The following ATP13A5 variants were observed in gnomAD, a reference collection of about 807,000 sequenced individuals.
The protein encoded by ATP13A5 is ATPase 13A5.
In ATP13A5, 149 loss-of-function variants were observed where a neutral mutation model predicts 150.2. That is an observed-to-expected ratio of 0.99 (90% confidence interval 0.87 to 1.14). The LOEUF (loss-of-function observed/expected upper bound fraction) is 1.14. ATP13A5 is among the 50% of genes most tolerant of loss of function. ATP13A5 has a pLI of 0.00. For synonymous variants in ATP13A5, 497 were observed against 522.2 expected (o/e 0.95, Z 0.66); for missense variants, 1,383 against 1,449.3 (o/e 0.95, Z 0.74).
At position 193,362,645 on chromosome 3, in the gene ATP13A5, T is replaced by C; in HGVS notation, c.385-8A>G. Reference sequence around the variant, plus strand: ...CACTTCCATGCACCGCAGCTACGATTGCAAATGTGATAGAGCAGGTGTCAT... The same window carrying C: ...CACTTCCATGCACCGCAGCTACGATCGCAAATGTGATAGAGCAGGTGTCAT... On this transcript the variant is annotated splice_polypyrimidine_tract_variant and splice_region_variant and intron_variant, in intron 3 of 29. Coordinates refer to ENST00000342358, the MANE Select transcript of ATP13A5 (RefSeq NM_198505.4). 6.2e-7 allele frequency: 1 copy of C among 1,613,954 alleles called. No individual in the cohort carries two copies. Among genetic ancestry groups the C allele is most frequent in the Non-Finnish European group, 8.5e-7 (1 of 1,179,818 alleles).
At chr3:193,317,620 G>A (rs1719099159) in intron 17 of ATP13A5, among the ~76,000 whole-genome samples, 1 of 152,000 alleles carries the variant, frequency 6.6e-6, no homozygotes, top group Non-Finnish European at 1.5e-5. Context: ...AATTTTTCTA[G>A]TTGGAAAACT....
intron 19 of ATP13A5, chr3:193,312,598 G>A (rs1406288852): frequency 6.6e-6 from 1 of 152,178 alleles, no homozygotes; most frequent in Non-Finnish European, 1.5e-5. Context: ...GAAAGCATCT[G>A]ATGAATGCCT....
intron 16 of ATP13A5, among the ~76,000 whole-genome samples, chr3:193,319,720 T>G (rs1302548735): frequency 6.6e-6 from 1 of 152,162 alleles, no homozygotes; most frequent in Admixed American, 6.5e-5. Flanking sequence ...ACCTCAGGAC[T>G]GGGGTACTTG....
At chr3:193,347,554 TA>T (rs1712395697) in intron 7 of ATP13A5, among the ~76,000 whole-genome samples, 1 of 150,330 alleles carries the variant, frequency 6.7e-6, no homozygotes, top group Admixed American at 6.6e-5. Context: ...CTCGTTTAGA[TA>T]ATGCCAAATT....
intron 18 of ATP13A5, 74 bp downstream of exon 18, chr3:193,314,898 C>G (rs769934450): frequency 6.4e-7 from 1 of 1,553,666 alleles, no homozygotes; most frequent in Non-Finnish European, 8.8e-7. Flanking sequence ...TACATGAACT[C>G]ACTCAGCTCA....
chr3:193,372,205 GA>G (rs1210736503), intron 1 of ATP13A5: 3 of 158,708 alleles, frequency 1.9e-5, no homozygotes, highest in Non-Finnish European at 3.9e-5. Flanking sequence ...ACTGAGGCAG[GA>G]AAATCGCTTG....
intron 5 of ATP13A5, 75 bp downstream of exon 5, chr3:193,362,306 G>T: frequency 7.9e-7 from 1 of 1,259,126 alleles, no homozygotes; most frequent in Non-Finnish European, 1.2e-6. Context: ...TGCCAACAAT[G>T]CACTGATGAT....
chr3:193,310,698 A>C lies in ATP13A5; in HGVS notation c.2465T>G (p.Val822Gly). The part of the protein sequence containing the change: ...LLPKILVNGT[V>G]FARMSPGQKS... ...CTGCCCAGGAGACATTCTTGCAAAA[A>C]CTGTTCCATTCACCAGAATCTAAAA... The change falls in exon 21 of 30, where the codon GTT becomes GGT. Residue 822 changes from valine to glycine, a missense_variant. Transcript: ENST00000342358. 1 of 1,608,504 alleles carries C rather than the reference A, an allele frequency of 6.2e-7. No homozygotes were observed.
intron 5 of ATP13A5, among the ~76,000 whole-genome samples, chr3:193,360,398 C>A (rs1218878697): frequency 6.6e-6 from 1 of 152,200 alleles, no homozygotes; most frequent in Non-Finnish European, 1.5e-5. Context: ...CCGTTCATTT[C>A]TCATCTTATG....
chr3:193,352,303 T>C (rs552257374), intron 6 of ATP13A5, among the ~76,000 whole-genome samples: 3 of 152,364 alleles, frequency 2.0e-5, no homozygotes, highest in African/African-American at 7.2e-5. Flanking sequence ...ATTATAGCTT[T>C]TTTGTTTGCT....
At position 193,346,262 on chromosome 3, in the gene ATP13A5, G is replaced by A. The variant is rs865931834; in HGVS notation, c.742-1187C>T. On this transcript the variant is annotated intron_variant, in intron 7 of 29. Coordinates refer to ENST00000342358, the MANE Select transcript of ATP13A5 (RefSeq NM_198505.4). Reference sequence around the variant, plus strand: ...GTTGGGAAAACAGTTGTGAGAGCACGTTAACTGGAAAGACTTGCTTGAGAT... The same window carrying A: ...GTTGGGAAAACAGTTGTGAGAGCACATTAACTGGAAAGACTTGCTTGAGAT... Among the ~76,000 whole-genome samples the A allele has an allele frequency of 9.2e-5, 14 of 152,154 alleles. 1 individual carries two copies. The highest frequency in any genetic ancestry group is 3.9e-4 in the East Asian group (2 of 5,190).
chr3:193,307,514 G>A (rs1247495563), intron 21 of ATP13A5, 145 bp from the exon 22 acceptor site: 3 of 952,202 alleles, frequency 3.2e-6, no homozygotes, highest in Non-Finnish European at 4.9e-6. Flanking sequence ...AAGAAAAATG[G>A]TTTGGAGAGA....
intron 28 of ATP13A5, 49 bp from the exon 29 acceptor site, chr3:193,276,879 GA>G: frequency 1.6e-6 from 2 of 1,269,312 alleles, no homozygotes; most frequent in Non-Finnish European, 1.1e-6. Context: ...TTCACACTTT[GA>G]AAAAAGACCA....
Position 193,378,682 on chromosome 3 carries a change from T to C in ATP13A5, c.44A>G (p.Gln15Arg). Reference protein sequence around the residue: ...SKKDHRALLNQGEEDELEVFG... With the variant: ...SKKDHRALLNRGEEDELEVFG... ...ACTCACCAGTTCATCCTCCTCTCCC[T>C]GGTTGAGCAAAGCCCGATGGTCCTT... The change falls in exon 1 of 30, where the codon CAG becomes CGG. Residue 15 changes from glutamine (Q) to arginine (R), a missense_variant. This residue lies in a region of ATP13A5 where 787 missense variants were observed against 771.9 expected (regional missense o/e 1.02). Transcript: ENST00000342358. The C allele has an allele frequency of 6.2e-7, 1 of 1,613,976 alleles. No individual in the cohort carries two copies. Among genetic ancestry groups the C allele is most frequent in the Non-Finnish European group, 8.5e-7 (1 of 1,179,848 alleles).
In ATP13A5 at chr3:193,333,790, A is replaced by G. The variant is rs758034456; in HGVS notation, c.1232T>C (p.Met411Thr). 1.2e-6 allele frequency: 2 copies of G among 1,613,934 alleles called. No homozygotes were observed. Among genetic ancestry groups the G allele is most frequent in the South Asian group, 1.1e-5 (1 of 91,072 alleles). Residue 411 changes from methionine to threonine, a missense_variant, in exon 11 of 30, where the codon ATG (methionine) becomes ACG (threonine). Coordinates refer to ENST00000342358, the MANE Select transcript of ATP13A5 (RefSeq NM_198505.4). Reference protein sequence around the residue: ...FIVFLACLGVMGFFYALGVYM... With the variant: ...FIVFLACLGVTGFFYALGVYM... ...TACCCCTAGGGCATAGAAAAAACCC[A>G]TGACACCAAGGCAGGCCAGGAACAC... is the stretch of plus-strand genomic sequence containing the variant.
chr3:193,318,802 A>G (rs982758142), intron 17 of ATP13A5, among the ~76,000 whole-genome samples, 189 bp downstream of exon 17: 1 of 152,188 alleles, frequency 6.6e-6, no homozygotes, highest in Non-Finnish European at 1.5e-5. Context: ...ACCAACCAGC[A>G]TTGTGACTTG....
chr3:193,350,937 G>T (rs1205673169), intron 7 of ATP13A5, 130 bp downstream of exon 7: 4 of 1,006,322 alleles, frequency 4.0e-6, no homozygotes, highest in East Asian at 2.6e-5. Flanking sequence ...TCCCATATTT[G>T]GTAAGCCCTC....
intron 19 of ATP13A5, chr3:193,313,474 T>C (rs1276319117): frequency 6.6e-6 from 1 of 152,250 alleles, no homozygotes; most frequent in Non-Finnish European, 1.5e-5. Context: ...AGCTATTCTG[T>C]CACAAGAGCA....
intron 3 of ATP13A5, among the ~76,000 whole-genome samples, 176 bp from the exon 4 acceptor site, chr3:193,362,813 C>G (rs10049343): frequency 0.78 from 86,905 of 111,838 alleles, 36,276 homozygotes; most frequent in Non-Finnish European, 0.83. Context: ...TTCTTTCTTT[C>G]AGACAGGGTC....
Sources: gnomAD v4.1 joint callset for allele counts (sites outside exome capture counted in the v4.1 genomes callset) on GRCh38, gnomAD v4.1.1 for gene constraint, gnomAD v4.1.1 regional missense constraint, MANE v1.5 for transcripts, NCBI Gene and HGNC (gene_info 2026-07-23, HGNC 2026-07-21) for gene names.